NOL10: variants seen among roughly 807,000 people sequenced by gnomAD.
The protein encoded by NOL10 is nucleolar protein 10.
A neutral mutation model predicts 103.5 loss-of-function variants in NOL10; 58 were observed. The ratio of observed to expected loss-of-function variants is 0.56; its 90% CI spans 0.45 to 0.70. NOL10 has a LOEUF of 0.70. NOL10 is among the 30% of genes least tolerant of loss of function. The probability of loss-of-function intolerance (pLI) is 0.00; values close to 1 mark genes in which losing one functional copy is unlikely to be tolerated. For synonymous variants in NOL10, 287 were observed against 282.5 expected, an observed-to-expected ratio of 1.02 and a Z score of -0.16; for missense variants, 763 against 807.3, an observed-to-expected ratio of 0.95 and a Z score of 0.67.
At position 10,659,231 on chromosome 2, in the gene NOL10, T is replaced by C; in HGVS notation, c.697A>G (p.Ile233Val). ...GCACCATTAAATTTCAAAGCAGAGA[T>C]TGTTGGTAAACTGTTTATCCTGAAA... ...ADSEINSLPT[I>V]SALKFNGALT... The change falls in exon 10 of 21, where the codon ATC becomes GTC. Residue 233 changes from isoleucine to valine, a missense_variant. Transcript: ENST00000381685. 3.1e-6 allele frequency: 5 copies of C among 1,601,574 alleles called. No homozygotes were observed. The highest frequency in any genetic ancestry group is 2.3e-5 in the South Asian group (2 of 88,584).
chr2:10,631,075 G>A (rs1267694275), intron 13 of NOL10, among the ~76,000 whole-genome samples: 3 of 152,176 alleles, frequency 2.0e-5, no homozygotes, highest in African/African-American at 7.2e-5. Flanking sequence ...GCTTAAATGT[G>A]CACTTTAGAT....
chr2:10,659,145 T>A (rs745610321), intron 10 of NOL10, 27 bp downstream of exon 10: 1 of 1,477,918 alleles, frequency 6.8e-7, no homozygotes. Context: ...CCAACTTACA[T>A]GTGGTTTCCA....
intron 12 of NOL10, among the ~76,000 whole-genome samples, chr2:10,652,286 C>T (rs1326046182): frequency 6.6e-6 from 1 of 151,138 alleles, no homozygotes; most frequent in Non-Finnish European, 1.5e-5. Context: ...AGCATGGGCA[C>T]CAGAAACAGG....
chr2:10,595,738 G>A (rs967788521), intron 17 of NOL10, among the ~76,000 whole-genome samples: 4 of 151,932 alleles, frequency 2.6e-5, no homozygotes, highest in African/African-American at 9.7e-5. Flanking sequence ...CCAAGTAGCT[G>A]GGATTACAGG....
intron 6 of NOL10, among the ~76,000 whole-genome samples, chr2:10,670,496 A>G (rs1422024266): frequency 2.0e-5 from 3 of 152,196 alleles, no homozygotes; most frequent in African/African-American, 7.2e-5. Flanking sequence ...GCACTTTGGG[A>G]GGCCGAGGTG....
Position 10,616,217 on chromosome 2 carries a change from A to ATTT in NOL10, c.1027-8909_1027-8907dup, listed in dbSNP as rs533351651. Among the ~76,000 whole-genome samples, 12 of 95,614 alleles carry ATTT rather than the reference A, an allele frequency of 1.3e-4. 1 individual carries two copies. In the South Asian group the frequency reaches 2.1e-3, roughly 17 times the overall value. 62.7% of individuals were successfully genotyped at this position (95,614 alleles called of 152,430 possible). ...CTACCAGTGGACAACACCACCCTGC[A>ATTT]TTTTTTTTTTTTTTTTTTTTTTTTT... is the stretch of plus-strand genomic sequence containing the variant. On this transcript the variant is annotated intron_variant, in intron 13 of 20. Coordinates refer to ENST00000381685, the MANE Select transcript of NOL10 (RefSeq NM_024894.4).
At chr2:10,674,046 GA>G (rs34557815) in intron 4 of NOL10, among the ~76,000 whole-genome samples, 186 of 143,282 alleles carry the variant, frequency 1.3e-3, no homozygotes, top group African/African-American at 3.7e-3. Context: ...CTATGGGAAA[GA>G]AAAAAAAAAA....
chr2:10,651,398 A>G (rs1679443621), intron 12 of NOL10, among the ~76,000 whole-genome samples: 2 of 152,206 alleles, frequency 1.3e-5, no homozygotes, highest in East Asian at 3.9e-4. Context: ...GTGATTTTAA[A>G]ATTTTTAGTA....
At chr2:10,628,497 C>T (rs185080646) in intron 13 of NOL10, among the ~76,000 whole-genome samples, 1 of 152,280 alleles carries the variant, frequency 6.6e-6, no homozygotes, top group Admixed American at 6.5e-5. Flanking sequence ...TAAAATTGTT[C>T]CCCTTCTCCT....
rs560667548 is a variant in NOL10 at position 10,603,362 on chromosome 2, C to A, written c.1154-205G>T. On this transcript the variant is annotated intron_variant, in intron 14 of 20. Transcript: ENST00000381685. ...CATCCTTATTTTAAATGTAATAATACTACACACAAAAATGATGAGAAAGTC... is the reference window on the plus strand; with the variant it reads ...CATCCTTATTTTAAATGTAATAATAATACACACAAAAATGATGAGAAAGTC... 2.0e-4 allele frequency among the ~76,000 whole-genome samples: 30 copies of A among 152,248 alleles called. No individual in the cohort carries two copies. In the South Asian group the frequency reaches 3.7e-3, roughly 19 times the overall value.
Position 10,682,095 on chromosome 2 carries a change from G to C in NOL10, c.113-26C>G, listed in dbSNP as rs765336384. On this transcript the variant is annotated intron_variant, in intron 2 of 20. Transcript: ENST00000381685. ...CTAAAAAGAGAGAAAAAAACAACTA[G>C]TTTAACTAACATGTGCTTATTCTCT... 3 of 1,098,158 alleles carry C rather than the reference G, an allele frequency of 2.7e-6. No homozygotes were observed. The East Asian group carries it at 8.1e-5, about 29-fold the overall frequency. 68.0% of individuals were successfully genotyped at this position (1,098,158 alleles called of 1,614,324 possible).
At chr2:10,662,373 G>T (rs147459621) in intron 9 of NOL10, among the ~76,000 whole-genome samples, 1 of 152,280 alleles carries the variant, frequency 6.6e-6, no homozygotes, top group East Asian at 1.9e-4. Flanking sequence ...AGCAATGTAT[G>T]CTCTGGGCAT....
Position 10,579,392 on chromosome 2 carries a change from C to T in NOL10, c.1845-1654G>A, listed in dbSNP as rs117878375. Among the ~76,000 whole-genome samples the T allele has an allele frequency of 5.2e-4, 79 of 152,244 alleles. 2 individuals carry two copies. In the East Asian group the frequency reaches 0.014, roughly 26 times the overall value. On this transcript the variant is annotated intron_variant, in intron 19 of 20. Coordinates refer to ENST00000381685, the MANE Select transcript of NOL10 (RefSeq NM_024894.4). ...ATGTGAAATGACTTGCTGCAGGCCA[C>T]GTAAGGATTCAGTTCTAAGCAGGAT... is the stretch of plus-strand genomic sequence containing the variant.
intron 20 of NOL10, among the ~76,000 whole-genome samples, chr2:10,572,672 G>A (rs1674241770): frequency 6.6e-6 from 1 of 152,306 alleles, no homozygotes; most frequent in East Asian, 1.9e-4. Context: ...TGTACTAAAA[G>A]TACGTTATTA....
intron 13 of NOL10, among the ~76,000 whole-genome samples, chr2:10,637,308 A>C (rs1409128767): frequency 6.6e-6 from 1 of 152,176 alleles, no homozygotes; most frequent in Non-Finnish European, 1.5e-5. Flanking sequence ...GCAAGAAAAA[A>C]ATCTGCCAGA....
At chr2:10,637,188 CAAAAAAA>C (rs61693251) in intron 13 of NOL10, among the ~76,000 whole-genome samples, 496 of 44,544 alleles carry the variant, frequency 0.011, 2 homozygotes, top group Admixed American at 0.017. Flanking sequence ...GACACTGTCT[CAAAAAAA>C]AAAAAAAAAA....
chr2:10,593,114 A>T (rs1443748193), intron 17 of NOL10, among the ~76,000 whole-genome samples: 1 of 151,042 alleles, frequency 6.6e-6, no homozygotes, highest in African/African-American at 2.4e-5. Flanking sequence ...AATGATTGCC[A>T]TTTGAAACAA....
intron 15 of NOL10, 87 bp downstream of exon 15, chr2:10,602,991 T>C (rs1373665442): frequency 3.2e-6 from 4 of 1,250,854 alleles, no homozygotes; most frequent in Non-Finnish European, 3.4e-6. Context: ...ATCCTATGTA[T>C]GATTTATGAA....
intron 13 of NOL10, among the ~76,000 whole-genome samples, chr2:10,614,249 A>T (rs6712304): frequency 2.6e-5 from 4 of 151,828 alleles, no homozygotes; most frequent in African/African-American, 4.8e-5. Flanking sequence ...CATGAGCCAG[A>T]GTGCCCAGCC....
Sources: gnomAD v4.1 joint callset for allele counts (sites outside exome capture counted in the v4.1 genomes callset) on GRCh38, gnomAD v4.1.1 for gene constraint, MANE v1.5 for transcripts, NCBI Gene and HGNC (gene_info 2026-07-23, HGNC 2026-07-21) for gene names.